Variants in SPACDR observed in about 807,000 individuals in gnomAD.
SPACDR encodes uncharacterized protein C7orf61.
At chr7:100,459,657 G>A in the SPACDR span, among the ~76,000 whole-genome samples, 5 of 152,002 alleles carry the variant, frequency 3.3e-5, no homozygotes, top group Non-Finnish European at 7.4e-5. Flanking sequence ...CAGATACGGG[G>A]TCTCACTATG....
At chr7:100,457,039 C>G in the SPACDR span, 1 of 1,358,564 alleles carries the variant, frequency 7.4e-7, no homozygotes, top group Non-Finnish European at 1.0e-6. Flanking sequence ...TAGGGAGAAA[C>G]TGCCGCTAGA....
At chr7:100,463,949 T>C in the SPACDR span, 1 of 1,604,206 alleles carries the variant, frequency 6.2e-7, no homozygotes, top group South Asian at 1.1e-5. Context: ...GACAGAGTGG[T>C]CTCAGAAACT....
the SPACDR span, chr7:100,464,096 G>GGGGGGGGGGGGGTT: frequency 6.9e-7 from 1 of 1,448,612 alleles, no homozygotes; most frequent in Non-Finnish European, 9.2e-7. Context: ...GGCGGGTGGG[G>GGGGGGGGGGGGGTT]GATGGGGTGG....
the SPACDR span, chr7:100,457,039 C>T: frequency 1.1e-5 from 15 of 1,358,564 alleles, no homozygotes; most frequent in African/African-American, 1.4e-5. Flanking sequence ...TAGGGAGAAA[C>T]TGCCGCTAGA....
At chr7:100,459,790 A>G in the SPACDR span, among the ~76,000 whole-genome samples, 1 of 151,800 alleles carries the variant, frequency 6.6e-6, no homozygotes, top group African/African-American at 2.4e-5. Flanking sequence ...GCTGAGTAGT[A>G]TTCTGGGGTT....
chr7:100,463,624 G>T, the SPACDR span: 1 of 1,613,842 alleles, frequency 6.2e-7, no homozygotes, highest in Non-Finnish European at 8.5e-7. Flanking sequence ...TCTTCAATGA[G>T]TGTTTCTTGG....
At chr7:100,461,506 G>A in the SPACDR span, among the ~76,000 whole-genome samples, 5 of 151,944 alleles carry the variant, frequency 3.3e-5, no homozygotes, top group Admixed American at 2.0e-4. Context: ...TCGAACTCCT[G>A]AGCTCAAATG....
the SPACDR span, among the ~76,000 whole-genome samples, chr7:100,463,060 C>T: frequency 1.7e-4 from 25 of 149,348 alleles, no homozygotes; most frequent in South Asian, 2.3e-3. Context: ...GCCGAGATCA[C>T]GCTACTGCAC....
At chr7:100,458,200 GT>G in the SPACDR span, among the ~76,000 whole-genome samples, 1 of 56,568 alleles carries the variant, frequency 1.8e-5, no homozygotes, top group Non-Finnish European at 3.5e-5. Context: ...TCACTGGTGT[GT>G]GTGTGTGTGT....
chr7:100,461,885 C>G, the SPACDR span, among the ~76,000 whole-genome samples: 109 of 150,592 alleles, frequency 7.2e-4, no homozygotes, highest in African/African-American at 2.6e-3. Flanking sequence ...CCGAGCTACT[C>G]AGGAGGCTGA....
the SPACDR span, among the ~76,000 whole-genome samples, chr7:100,458,741 C>T: frequency 6.6e-6 from 1 of 152,096 alleles, no homozygotes; most frequent in Admixed American, 6.6e-5. Flanking sequence ...GCCTGGCTAA[C>T]ATGGTGAAAC....
At chr7:100,463,520 G>A in the SPACDR span, 1 of 1,613,984 alleles carries the variant, frequency 6.2e-7, no homozygotes, top group Non-Finnish European at 8.5e-7. Context: ...GCAGGGATCT[G>A]CCAGCTCGGG....
At chr7:100,460,596 A>C in the SPACDR span, among the ~76,000 whole-genome samples, 2 of 152,022 alleles carry the variant, frequency 1.3e-5, no homozygotes, top group African/African-American at 4.8e-5. Flanking sequence ...TCATAAAAAA[A>C]AAAAGAGAGA....
the SPACDR span, chr7:100,463,211 T>C: frequency 4.9e-6 from 3 of 614,232 alleles, no homozygotes; most frequent in African/African-American, 3.7e-5. Flanking sequence ...TGAGCTCAAG[T>C]GATCCTCCCA....
At chr7:100,457,025 G>C in the SPACDR span, 1 of 1,481,234 alleles carries the variant, frequency 6.8e-7, no homozygotes, top group Non-Finnish European at 9.2e-7. Context: ...TAAATAGCTG[G>C]GTCTAGGGAG....
the SPACDR span, among the ~76,000 whole-genome samples, chr7:100,457,618 CT>C: frequency 9.7e-3 from 908 of 93,518 alleles, 1 homozygote; most frequent in Middle Eastern, 0.031. Flanking sequence ...CATGCCTGGC[CT>C]TTTTTTTTTT....
the SPACDR span, among the ~76,000 whole-genome samples, chr7:100,458,221 T>A: frequency 9.4e-4 from 142 of 151,530 alleles, no homozygotes; most frequent in African/African-American, 3.2e-3. Context: ...TGTGTGTGTG[T>A]GTGTGTGTGT....
chr7:100,462,278 A>G, the SPACDR span, among the ~76,000 whole-genome samples: 1 of 152,004 alleles, frequency 6.6e-6, no homozygotes, highest in Middle Eastern at 3.4e-3. Context: ...CAGTGGTGCT[A>G]TCTCGGCTCA....
At chr7:100,457,612 C>G in the SPACDR span, among the ~76,000 whole-genome samples, 1 of 141,630 alleles carries the variant, frequency 7.1e-6, no homozygotes, top group African/African-American at 2.6e-5. Flanking sequence ...AGCCACCATG[C>G]CTGGCCTTTT....
Sources: gnomAD v4.1 joint callset for allele counts (sites outside exome capture counted in the v4.1 genomes callset) on GRCh38, gnomAD v4.1.1 for gene constraint, MANE v1.5 for transcripts, NCBI Gene and HGNC (gene_info 2026-07-23, HGNC 2026-07-21) for gene names.